FSTL5: variants seen among roughly 807,000 people sequenced by gnomAD.
FSTL5 encodes the protein follistatin-related protein 5.
Under a neutral mutation model 89.1 loss-of-function variants are expected in FSTL5, and 62 were observed. The ratio of observed to expected loss-of-function variants is 0.70; its 90% CI spans 0.57 to 0.86. The LOEUF (loss-of-function observed/expected upper bound fraction) is 0.86, where lower values mean the gene tolerates loss of function less well. FSTL5 is among the 40% of genes least tolerant of loss of function. The pLI, the probability that FSTL5 is intolerant of heterozygous loss-of-function variation, is 0.00. For missense variants in FSTL5, 1,057 were observed against 1,001.6 expected, an observed-to-expected ratio of 1.06 and a Z score of -0.75; for synonymous variants, 383 against 346.2, an observed-to-expected ratio of 1.11 and a Z score of -1.18.
At chr4:162,025,493 T>A (rs985665920) in intron 3 of FSTL5, among the ~76,000 whole-genome samples, 3 of 152,100 alleles carry the variant, frequency 2.0e-5, no homozygotes, top group African/African-American at 7.2e-5. Flanking sequence ...GAGTCTAGTA[T>A]TCAGAGTCTA....
intron 7 of FSTL5, among the ~76,000 whole-genome samples, chr4:161,612,273 A>T (rs759496178): frequency 3.9e-5 from 6 of 152,218 alleles, no homozygotes; most frequent in Non-Finnish European, 8.8e-5. Context: ...TATTGTACTC[A>T]TGTGAATAAA....
chr4:161,760,179 C>A (rs1740736221), intron 5 of FSTL5, among the ~76,000 whole-genome samples: 1 of 152,178 alleles, frequency 6.6e-6, no homozygotes, highest in Admixed American at 6.5e-5. Flanking sequence ...AGAAAATCAT[C>A]AAACTTCTAT....
intron 4 of FSTL5, among the ~76,000 whole-genome samples, chr4:161,810,142 AAAAATT>A (rs1347940754): frequency 6.6e-6 from 1 of 152,190 alleles, no homozygotes; most frequent in East Asian, 1.9e-4. Context: ...AGTATATTAA[AAAAATT>A]AAAAATATGA....
intron 6 of FSTL5, among the ~76,000 whole-genome samples, chr4:161,726,878 C>T (rs1401718851): frequency 3.4e-5 from 5 of 146,326 alleles, no homozygotes; most frequent in Non-Finnish European, 3.0e-5. Context: ...TCACTCAATG[C>T]TCTAGCAAGA....
intron 4 of FSTL5, among the ~76,000 whole-genome samples, chr4:161,917,809 T>C (rs926420208): frequency 7.9e-5 from 12 of 152,200 alleles, no homozygotes; most frequent in Non-Finnish European, 7.4e-5. Flanking sequence ...TTGCAAGTAC[T>C]CAACTCTCCT....
intron 6 of FSTL5, among the ~76,000 whole-genome samples, chr4:161,694,971 T>C (rs1284919755): frequency 1.3e-5 from 2 of 151,726 alleles, no homozygotes; most frequent in Non-Finnish European, 2.9e-5. Context: ...GCATGGCTCC[T>C]ATTAAAAAAT....
At chr4:161,821,790 T>C (rs572339866) in intron 4 of FSTL5, among the ~76,000 whole-genome samples, 2 of 151,986 alleles carry the variant, frequency 1.3e-5, no homozygotes, top group South Asian at 2.1e-4. Flanking sequence ...TGTGTGTGTA[T>C]ATATATATAT....
chr4:161,665,342 C>T (rs1736852445), intron 6 of FSTL5, among the ~76,000 whole-genome samples: 1 of 152,040 alleles, frequency 6.6e-6, no homozygotes. Flanking sequence ...CCCAGGTTCA[C>T]GCCATTCTCC....
At chr4:161,549,123 GA>G (rs1395497092) in intron 8 of FSTL5, among the ~76,000 whole-genome samples, 1 of 151,618 alleles carries the variant, frequency 6.6e-6, no homozygotes, top group African/African-American at 2.4e-5. Context: ...CCCTGCTAAT[GA>G]AAATATGTTT....
chr4:161,718,208 A>G (rs959559491), intron 6 of FSTL5, among the ~76,000 whole-genome samples: 4 of 152,182 alleles, frequency 2.6e-5, no homozygotes, highest in African/African-American at 7.2e-5. Flanking sequence ...TTGGAAATGA[A>G]CTTCACTATA....
At chr4:161,817,718 G>C (rs1049785107) in intron 4 of FSTL5, among the ~76,000 whole-genome samples, 22 of 152,112 alleles carry the variant, frequency 1.4e-4, no homozygotes, top group African/African-American at 5.3e-4. Flanking sequence ...ATGTACATGT[G>C]CGTGTGCCTG....
intron 4 of FSTL5, among the ~76,000 whole-genome samples, chr4:161,902,457 G>T (rs963833604): frequency 6.6e-6 from 1 of 152,154 alleles, no homozygotes; most frequent in African/African-American, 2.4e-5. Flanking sequence ...GGCTAACCTT[G>T]AATAAATCAG....
At chr4:161,989,603 T>C (rs954657942) in intron 3 of FSTL5, among the ~76,000 whole-genome samples, 4 of 152,192 alleles carry the variant, frequency 2.6e-5, no homozygotes, top group Admixed American at 6.5e-5. Context: ...ATATCAAATG[T>C]ATTAGGTAGA....
chr4:161,563,554 C>T (rs560595356), intron 8 of FSTL5, among the ~76,000 whole-genome samples: 1 of 151,970 alleles, frequency 6.6e-6, no homozygotes, highest in South Asian at 2.1e-4. Context: ...TTAGGCTGTG[C>T]TTCTTTATTA....
chr4:161,469,494 TG>T (rs1475577561), intron 13 of FSTL5, among the ~76,000 whole-genome samples: 3 of 152,164 alleles, frequency 2.0e-5, no homozygotes, highest in Non-Finnish European at 4.4e-5. Context: ...GCCATCCTAA[TG>T]GGTATGAGGT....
intron 4 of FSTL5, among the ~76,000 whole-genome samples, chr4:161,836,456 A>G (rs185636594): frequency 2.0e-5 from 3 of 151,750 alleles, no homozygotes; most frequent in Admixed American, 2.0e-4. Context: ...AAGTATAACA[A>G]TAATAAAAAA....
intron 2 of FSTL5, among the ~76,000 whole-genome samples, chr4:162,057,336 G>T (rs934405893): frequency 9.9e-5 from 15 of 152,072 alleles, no homozygotes; most frequent in Admixed American, 9.2e-4. Context: ...CGTCTCCCCT[G>T]CCATTACAAC....
At chr4:161,793,587 G>T (rs1275803658) in intron 4 of FSTL5, among the ~76,000 whole-genome samples, 1 of 140,352 alleles carries the variant, frequency 7.1e-6, no homozygotes, top group African/African-American at 2.7e-5. Context: ...GTCAAATAAG[G>T]TTGCTTTTGG....
intron 3 of FSTL5, among the ~76,000 whole-genome samples, chr4:161,991,367 A>G (rs1736106721): frequency 6.6e-6 from 1 of 151,610 alleles, no homozygotes; most frequent in Non-Finnish European, 1.5e-5. Flanking sequence ...AGCATCAACT[A>G]TTTTCTAGTC....
Sources: allele counts gnomAD v4.1 joint callset (sites outside exome capture counted in the v4.1 genomes callset), GRCh38; gene constraint gnomAD v4.1.1; transcripts MANE v1.5; gene names NCBI Gene and HGNC (gene_info 2026-07-23, HGNC 2026-07-21).